LAMA2: variants seen among roughly 807,000 people sequenced by gnomAD.
LAMA2 encodes laminin subunit alpha-2.
LAMA2 carries 269 observed loss-of-function variants against 364.8 expected under a neutral mutation model. That is an observed-to-expected ratio of 0.74 (90% CI 0.67 to 0.82). LAMA2 has a LOEUF of 0.82. LAMA2 is among the 40% of genes least tolerant of loss of function. LAMA2 has a pLI of 0.00. For synonymous variants in LAMA2, 1,379 were observed against 1,370.6 expected, an observed-to-expected ratio of 1.01 and a Z score of -0.14; for missense variants, 3,807 against 3,873.2, an observed-to-expected ratio of 0.98 and a Z score of 0.45.
chr6:129,201,560 C>T (rs558278145), intron 12 of LAMA2, among the ~76,000 whole-genome samples: 1 of 152,270 alleles, frequency 6.6e-6, no homozygotes, highest in Admixed American at 6.5e-5. Context: ...TAAATTAGCT[C>T]CAAACTACAA....
In LAMA2 at chr6:129,070,891, G is replaced by A. The variant is rs544715405; in HGVS notation, c.396+10995G>A. ...GAAAAGGTGACAAATAAAAGTCTGAGAGAATTTTTGCTAAATGAACCTTCC... is the reference window on the plus strand; with the variant it reads ...GAAAAGGTGACAAATAAAAGTCTGAAAGAATTTTTGCTAAATGAACCTTCC... On this transcript the variant is annotated intron_variant, in intron 3 of 64. Coordinates refer to ENST00000421865, the MANE Select transcript of LAMA2 (RefSeq NM_000426.4). 4.6e-5 allele frequency among the ~76,000 whole-genome samples: 7 copies of A among 152,244 alleles called. No individual in the cohort carries two copies. In the South Asian group the frequency reaches 1.0e-3, roughly 23 times the overall value.
intron 61 of LAMA2, among the ~76,000 whole-genome samples, chr6:129,507,017 G>C (rs1786141388): frequency 6.6e-6 from 1 of 151,822 alleles, no homozygotes; most frequent in African/African-American, 2.4e-5. Context: ...TTAGGGGAGG[G>C]TCTGCTGCTT....
At chr6:129,107,893 C>T (rs138027756) in intron 4 of LAMA2, among the ~76,000 whole-genome samples, 1 of 152,156 alleles carries the variant, frequency 6.6e-6, no homozygotes, top group African/African-American at 2.4e-5. Flanking sequence ...AAAATCTGCT[C>T]TGCCCTATAA....
At chr6:129,428,742 G>A (rs896240080) in intron 41 of LAMA2, among the ~76,000 whole-genome samples, 1 of 152,056 alleles carries the variant, frequency 6.6e-6, no homozygotes, top group African/African-American at 2.4e-5. Flanking sequence ...ACCGTGCCCG[G>A]CCCTAAATAC....
At chr6:129,409,164 T>C (rs990066269) in intron 40 of LAMA2, among the ~76,000 whole-genome samples, 2 of 152,206 alleles carry the variant, frequency 1.3e-5, no homozygotes, top group African/African-American at 4.8e-5. Context: ...TGGGAAGACT[T>C]CCCTTTGCTA....
intron 40 of LAMA2, among the ~76,000 whole-genome samples, chr6:129,414,192 T>C (rs950629186): frequency 1.3e-5 from 2 of 152,084 alleles, no homozygotes; most frequent in African/African-American, 4.8e-5. Context: ...ACCTGAGAAC[T>C]ATAACCGTTA....
chr6:129,323,733 T>C (rs1775105355), intron 28 of LAMA2, among the ~76,000 whole-genome samples: 2 of 152,232 alleles, frequency 1.3e-5, no homozygotes, highest in African/African-American at 4.8e-5. Flanking sequence ...CTTATGACTT[T>C]CTTTCTTAAA....
chr6:129,466,201 A>T (rs1363817560), intron 51 of LAMA2, among the ~76,000 whole-genome samples: 1 of 151,954 alleles, frequency 6.6e-6, no homozygotes, highest in African/African-American at 2.4e-5. Context: ...AGGAACTTGC[A>T]TCGAACTGGG....
chr6:129,035,630 G>A (rs1233821420), intron 1 of LAMA2, among the ~76,000 whole-genome samples: 1 of 149,046 alleles, frequency 6.7e-6, no homozygotes, highest in East Asian at 2.0e-4. Context: ...TCTTTTTATG[G>A]TTTCAGGTCT....
chr6:129,089,877 G>A (rs1774710763), intron 3 of LAMA2, among the ~76,000 whole-genome samples: 2 of 152,148 alleles, frequency 1.3e-5, no homozygotes, highest in African/African-American at 2.4e-5. Flanking sequence ...GACTAAAATT[G>A]TGAGACCTTA....
rs959730424 is a variant in LAMA2 at position 128,997,604 on chromosome 6, G to T, written c.113-52314G>T. ...GAGGTCAGGGGTTCCAGACCAGCCTGGCAAACATGGTGAAACCCTGTCTCT... is the reference window on the plus strand; with the variant it reads ...GAGGTCAGGGGTTCCAGACCAGCCTTGCAAACATGGTGAAACCCTGTCTCT... On this transcript the variant is annotated intron_variant, in intron 1 of 64. Transcript: ENST00000421865. 4.0e-4 allele frequency among the ~76,000 whole-genome samples: 61 copies of T among 152,092 alleles called. 1 individual carries two copies. The highest frequency in any genetic ancestry group is 1.5e-3 in the African/African-American group (61 of 41,488).
intron 9 of LAMA2, among the ~76,000 whole-genome samples, chr6:129,166,760 C>A (rs886071787): frequency 1.3e-5 from 2 of 152,008 alleles, no homozygotes; most frequent in Non-Finnish European, 2.9e-5. Context: ...AGGAGAGATA[C>A]CACTATTAAC....
At chr6:129,434,937 G>A (rs1781764128) in intron 41 of LAMA2, among the ~76,000 whole-genome samples, 1 of 151,900 alleles carries the variant, frequency 6.6e-6, no homozygotes, top group South Asian at 2.1e-4. Flanking sequence ...TCAGAGTCAA[G>A]CAGCTGAAAC....
intron 15 of LAMA2, among the ~76,000 whole-genome samples, chr6:129,263,362 G>A (rs1340648331): frequency 6.6e-6 from 1 of 152,080 alleles, no homozygotes. Flanking sequence ...AAATAAACAG[G>A]GTTCTATGAT....
chr6:129,048,004 T>C (rs114993344), intron 1 of LAMA2, among the ~76,000 whole-genome samples: 282 of 152,274 alleles, frequency 1.9e-3, no homozygotes, highest in African/African-American at 6.5e-3. Flanking sequence ...CTCTGCTACT[T>C]GCTAGCTGTA....
At chr6:128,979,042 G>T (rs150478254) in intron 1 of LAMA2, among the ~76,000 whole-genome samples, 3 of 152,150 alleles carry the variant, frequency 2.0e-5, no homozygotes, top group Non-Finnish European at 4.4e-5. Flanking sequence ...AGAATTTGGT[G>T]CATTATACTC....
At chr6:129,442,983 C>A (rs1354662144) in intron 43 of LAMA2, 80 bp from the exon 44 acceptor site, 8 of 1,075,846 alleles carry the variant, frequency 7.4e-6, no homozygotes, top group Non-Finnish European at 9.8e-6. Flanking sequence ...TTAGTCACTA[C>A]TTTATAATAT....
In LAMA2 at chr6:129,150,537, G is replaced by A. The variant is rs943608416; in HGVS notation, c.1027+1441G>A. ...TACCACTCTTTACTTGTGTTTCTAC[G>A]TTTAAATACAAAACAAAAACAATCG... On this transcript the variant is annotated intron_variant, in intron 7 of 64. Transcript: ENST00000421865. Among the ~76,000 whole-genome samples the A allele has an allele frequency of 4.6e-5, 7 of 152,172 alleles. No individual in the cohort carries two copies. The South Asian group carries it at 1.0e-3, about 23-fold the overall frequency.
At chr6:129,013,194 G>C (rs1784865623) in intron 1 of LAMA2, among the ~76,000 whole-genome samples, 1 of 152,176 alleles carries the variant, frequency 6.6e-6, no homozygotes, top group Admixed American at 6.5e-5. Flanking sequence ...CCAGCACTTT[G>C]GGAGGCTGAG....
Sources: gnomAD v4.1 joint callset for allele counts (sites outside exome capture counted in the v4.1 genomes callset) on GRCh38, gnomAD v4.1.1 for gene constraint, MANE v1.5 for transcripts, NCBI Gene and HGNC (gene_info 2026-07-23, HGNC 2026-07-21) for gene names.